POSTN: variants seen among roughly 807,000 people sequenced by gnomAD.
POSTN encodes osteoblast specific factor 2 (fasciclin I-like).
A neutral mutation model predicts 104.5 loss-of-function variants in POSTN; 71 were observed. The ratio of observed to expected loss-of-function variants is 0.68; its 90% CI spans 0.56 to 0.83. POSTN has a LOEUF of 0.83. POSTN is among the 40% of genes least tolerant of loss of function. The probability of loss-of-function intolerance (pLI) is 0.00; values close to 1 mark genes in which losing one functional copy is unlikely to be tolerated. For missense variants in POSTN, 949 were observed against 1,006.8 expected (o/e 0.94, Z 0.78); for synonymous variants, 355 against 340.7 (o/e 1.04, Z -0.46).
At chr13:37,586,111 C>A in intron 7 of POSTN, 28 bp downstream of exon 7, 1 of 1,570,728 alleles carries the variant, frequency 6.4e-7, no homozygotes, top group South Asian at 1.2e-5. Flanking sequence ...TGCTGGGAGA[C>A]TCCTTAGAGA....
At chr13:37,594,203 T>G (rs1566037130) in intron 2 of POSTN, among the ~76,000 whole-genome samples, 1 of 152,126 alleles carries the variant, frequency 6.6e-6, no homozygotes, top group African/African-American at 2.4e-5. Context: ...TTGTAAACAA[T>G]TTAAAAAATG....
At chr13:37,564,677 ATTATTT>A in intron 21 of POSTN, 117 bp from the exon 22 acceptor site, 1 of 515,354 alleles carries the variant, frequency 1.9e-6, no homozygotes, top group South Asian at 3.4e-5. Context: ...AAACACGAAG[ATTATTT>A]TTAGTAGTTA....
chr13:37,567,314 G>A (rs1472309262), intron 21 of POSTN, among the ~76,000 whole-genome samples: 1 of 150,690 alleles, frequency 6.6e-6, no homozygotes, highest in Non-Finnish European at 1.5e-5. Context: ...TTCAGTTTTA[G>A]GTAGAACTTA....
rs754048764 is a variant in POSTN at position 37,570,615 on chromosome 13, G to A, written c.2234C>T (p.Thr745Ile). ...KIIDGVPVEI[T>I]EKETREERII... The stretch of plus-strand genomic sequence containing the variant: ...TCGTTCTTCTCGTGTCTCTTTTTCA[G>A]TTATTTCCACAGGCACTCCATCAAT... Residue 745 changes from threonine to isoleucine, a missense_variant, in exon 19 of 23, where the codon ACT (threonine) becomes ATT (isoleucine). By Grantham distance (89) the Thr-to-Ile change is moderately conservative. Transcript: ENST00000379747. 8.1e-6 allele frequency: 13 copies of A among 1,608,598 alleles called. No homozygotes were observed. Among genetic ancestry groups the A allele is most frequent in the Non-Finnish European group, 1.1e-5 (13 of 1,175,624 alleles).
chr13:37,579,195 G>A (rs772107777), intron 13 of POSTN, 34 bp downstream of exon 13: 2 of 1,606,388 alleles, frequency 1.2e-6, no homozygotes, highest in Middle Eastern at 1.7e-4. Flanking sequence ...AATGATGGAT[G>A]AACACTATCA....
chr13:37,572,326 C>CA (rs149573050), intron 17 of POSTN, among the ~76,000 whole-genome samples: 18,393 of 151,032 alleles, frequency 0.12, 1,660 homozygotes, highest in African/African-American at 0.24. Context: ...ACATGATTAC[C>CA]AAAACGAAAC....
intron 6 of POSTN, 150 bp downstream of exon 6, chr13:37,586,632 G>T: frequency 1.4e-6 from 1 of 723,538 alleles, no homozygotes. Flanking sequence ...ATATGAGATG[G>T]TTTCTTCTGT....
intron 1 of POSTN, among the ~76,000 whole-genome samples, chr13:37,598,394 T>A (rs1951146736): frequency 6.6e-6 from 1 of 152,112 alleles, no homozygotes; most frequent in African/African-American, 2.4e-5. Context: ...AAGAAAGCAA[T>A]TATATTCAAG....
intron 21 of POSTN, among the ~76,000 whole-genome samples, chr13:37,567,541 C>A (rs1024265479): frequency 6.6e-6 from 1 of 151,994 alleles, no homozygotes; most frequent in Non-Finnish European, 1.5e-5. Flanking sequence ...GTAATTCTAC[C>A]GCATATAGTG....
intron 9 of POSTN, among the ~76,000 whole-genome samples, chr13:37,583,420 A>T (rs1018092437): frequency 1.4e-4 from 21 of 150,964 alleles, no homozygotes; most frequent in Non-Finnish European, 2.8e-4. Context: ...CAGAGAAACT[A>T]AATATGCTTT....
intron 17 of POSTN, among the ~76,000 whole-genome samples, chr13:37,573,917 G>A (rs1950326923): frequency 1.1e-5 from 1 of 89,678 alleles, no homozygotes; most frequent in Non-Finnish European, 2.2e-5. Flanking sequence ...TGAAACATCA[G>A]GAGAGAATGT....
At position 37,590,415 on chromosome 13, in the gene POSTN, G is replaced by A; in HGVS notation, c.398C>T (p.Thr133Ile). 5.6e-6 allele frequency: 9 copies of A among 1,607,702 alleles called. No homozygotes were observed. Among genetic ancestry groups the A allele is most frequent in the Non-Finnish European group, 7.6e-6 (9 of 1,176,608 alleles). ...AGCCTCATTACTCGGTGCAAAGTAA[G>A]TGAAGGATCCCTTTCCCTCGATCTC... ...REEIEGKGSF[T>I]YFAPSNEAWD... Residue 133 changes from threonine (T) to isoleucine (I), a missense_variant, in exon 4 of 23, where the codon ACT becomes ATT. By Grantham distance (89) the Thr-to-Ile change is moderately conservative. Coordinates refer to ENST00000379747, the MANE Select transcript of POSTN (RefSeq NM_006475.3).
intron 7 of POSTN, 101 bp downstream of exon 7, chr13:37,586,038 C>G: frequency 8.2e-7 from 1 of 1,222,750 alleles, no homozygotes; most frequent in Non-Finnish European, 1.1e-6. Context: ...TTTTCCCTGC[C>G]TTTGCTTATT....
intron 17 of POSTN, 84 bp from the exon 18 acceptor site, chr13:37,571,542 G>C (rs756826143): frequency 5.0e-6 from 5 of 1,005,098 alleles, no homozygotes; most frequent in Non-Finnish European, 7.4e-6. Flanking sequence ...TTCAACATTC[G>C]GTGTGACTCA....
At position 37,569,377 on chromosome 13, in the gene POSTN, G is replaced by A; in HGVS notation, c.2354C>T (p.Thr785Ile). ...ACCTTCAATGAATTTGGTGACCTTGGTGACCTCTGAGAGGATACATGTTTA... is the reference window on the plus strand; with the variant it reads ...ACCTTCAATGAATTTGGTGACCTTGATGACCTCTGAGAGGATACATGTTTA... The part of the protein sequence containing the change: ...TLKKLLQEEV[T>I]KVTKFIEGGD... The change falls in exon 21 of 23, where the codon ACC (threonine) becomes ATC (isoleucine). Residue 785 changes from threonine (T) to isoleucine (I), a missense_variant. By Grantham distance (89) the Thr-to-Ile change is moderately conservative. Coordinates refer to ENST00000379747, the MANE Select transcript of POSTN (RefSeq NM_006475.3). The A allele has an allele frequency of 6.2e-7, 1 of 1,611,754 alleles. No homozygotes were observed. The highest frequency in any genetic ancestry group is 8.5e-7 in the Non-Finnish European group (1 of 1,178,220).
chr13:37,571,230 T>C lies in POSTN; in HGVS notation c.2179+139A>G, dbSNP rs1366974799. Reference sequence around the variant, plus strand: ...TTTCTGACCAGCTAATAAGAACTCATAGCTGAGGAAATAATTCCCACAATT... The same window carrying C: ...TTTCTGACCAGCTAATAAGAACTCACAGCTGAGGAAATAATTCCCACAATT... On this transcript the variant is annotated intron_variant, in intron 18 of 22. Transcript: ENST00000379747. 6 of 603,014 alleles carry C rather than the reference T, an allele frequency of 1.0e-5. No homozygotes were observed. In the East Asian group the frequency reaches 1.8e-4, roughly 18 times the overall value. The allele number at this position is 603,014 out of a possible 1,614,324, so 37.4% of individuals were successfully genotyped here.
chr13:37,572,740 A>G (rs1454451828), intron 17 of POSTN, among the ~76,000 whole-genome samples: 1 of 151,632 alleles, frequency 6.6e-6, no homozygotes, highest in Non-Finnish European at 1.5e-5. Flanking sequence ...GCTGTTATGT[A>G]TCTTTTATAA....
intron 2 of POSTN, among the ~76,000 whole-genome samples, chr13:37,592,583 C>A (rs1238097558): frequency 6.6e-6 from 1 of 152,184 alleles, no homozygotes; most frequent in Admixed American, 6.5e-5. Flanking sequence ...CAGGCATGAG[C>A]CACTGCGCCC....
At chr13:37,585,424 G>A (rs1272560014) in intron 7 of POSTN, among the ~76,000 whole-genome samples, 3 of 152,118 alleles carry the variant, frequency 2.0e-5, no homozygotes, top group Admixed American at 2.0e-4. Context: ...AAATACCCAA[G>A]AGCAGTATCT....
Sources: allele counts gnomAD v4.1 joint callset (sites outside exome capture counted in the v4.1 genomes callset), GRCh38; gene constraint gnomAD v4.1.1; transcripts MANE v1.5; gene names NCBI Gene and HGNC (gene_info 2026-07-23, HGNC 2026-07-21).